The following CDC14A variants were observed in gnomAD, a reference collection of about 807,000 sequenced individuals.
The protein encoded by CDC14A is dual specificity protein phosphatase CDC14A.
CDC14A carries 53 observed loss-of-function variants against 74.4 expected under a neutral mutation model. The ratio of observed to expected loss-of-function variants is 0.71; its 90% CI spans 0.57 to 0.89. The LOEUF (loss-of-function observed/expected upper bound fraction) is 0.89, where lower values mean the gene tolerates loss of function less well. CDC14A is among the 40% of genes least tolerant of loss of function. The pLI, the probability that CDC14A is intolerant of heterozygous loss-of-function variation, is 0.00. For missense variants in CDC14A, 646 were observed against 713.7 expected (o/e 0.91, Z 1.08); for synonymous variants, 247 against 258.4 (o/e 0.96, Z 0.43).
intron 12 of CDC14A, among the ~76,000 whole-genome samples, 161 bp from the exon 13 acceptor site, chr1:100,495,841 A>T (rs1307811273): frequency 6.6e-6 from 1 of 152,186 alleles, no homozygotes; most frequent in Admixed American, 6.5e-5. Context: ...AGAAAAGGGG[A>T]TAGCAAGCCT....
At chr1:100,499,484 TTTC>T (rs1648451903) in intron 15 of CDC14A, 1 of 1,414,302 alleles carries the variant, frequency 7.1e-7, no homozygotes, top group African/African-American at 1.4e-5. Flanking sequence ...CTTCCTTCTT[TTTC>T]TTCTTACCCC....
intron 4 of CDC14A, among the ~76,000 whole-genome samples, chr1:100,413,237 A>G (rs1476765157): frequency 6.6e-6 from 1 of 152,170 alleles, no homozygotes; most frequent in Non-Finnish European, 1.5e-5. Context: ...TCTAAGCAAC[A>G]ACTCTTGTAA....
chr1:100,356,007 C>T (rs184205943), intron 2 of CDC14A, among the ~76,000 whole-genome samples: 76 of 152,214 alleles, frequency 5.0e-4, no homozygotes, highest in African/African-American at 1.7e-3. Context: ...CAGGCAGAGA[C>T]ATGAGAGGAG....
intron 15 of CDC14A, among the ~76,000 whole-genome samples, chr1:100,501,425 G>A (rs1490166820): frequency 6.6e-6 from 1 of 152,172 alleles, no homozygotes; most frequent in Non-Finnish European, 1.5e-5. Context: ...CTATAATGGA[G>A]CTGAAAAATT....
intron 12 of CDC14A, among the ~76,000 whole-genome samples, 167 bp downstream of exon 12, chr1:100,495,097 A>T (rs1347785098): frequency 2.6e-5 from 4 of 152,168 alleles, no homozygotes; most frequent in Non-Finnish European, 5.9e-5. Flanking sequence ...GGGAGTAGCT[A>T]AAGTTTAGAA....
At chr1:100,465,392 A>C (rs1173017777) in intron 9 of CDC14A, among the ~76,000 whole-genome samples, 3 of 152,218 alleles carry the variant, frequency 2.0e-5, no homozygotes, top group Non-Finnish European at 4.4e-5. Flanking sequence ...ACTTGCACAC[A>C]CACGTAGGAT....
chr1:100,473,745 G>A (rs541971058), intron 10 of CDC14A, among the ~76,000 whole-genome samples: 21 of 152,092 alleles, frequency 1.4e-4, no homozygotes, highest in African/African-American at 4.6e-4. Context: ...ATATGGGAGT[G>A]TGTGTGTGTG....
At position 100,499,153 on chromosome 1, in the gene CDC14A, G is replaced by GC; in HGVS notation, c.1652dup (p.Gly552ArgfsTer39). 1 of 1,614,050 alleles carries GC rather than the reference G, an allele frequency of 6.2e-7. No individual in the cohort carries two copies. The highest frequency in any genetic ancestry group is 8.5e-7 in the Non-Finnish European group (1 of 1,180,000). On this transcript the variant is annotated frameshift_variant, in exon 15 of 16. Coordinates refer to ENST00000336454, the MANE Select transcript of CDC14A (RefSeq NM_003672.4). LOFTEE classifies it high-confidence loss of function. ...AACAGCAACGGGGGCAACCTGAACAGCCCCCCAGGCCCCCACAGCGCCAAG... is the reference window on the plus strand; with the variant it reads ...AACAGCAACGGGGGCAACCTGAACAGCCCCCCCAGGCCCCCACAGCGCCAAG...
chr1:100,353,890 C>A (rs1651502044), intron 2 of CDC14A, 38 bp downstream of exon 2: 2 of 1,208,016 alleles, frequency 1.7e-6, no homozygotes, highest in African/African-American at 1.5e-5. Context: ...CTTGGCCATT[C>A]AGCTTGTTCT....
intron 15 of CDC14A, among the ~76,000 whole-genome samples, chr1:100,516,830 T>C (rs906299270): frequency 1.2e-4 from 19 of 152,332 alleles, no homozygotes; most frequent in African/African-American, 4.6e-4. Flanking sequence ...TATAGTGCTC[T>C]GATTCTTGAT....
intron 4 of CDC14A, among the ~76,000 whole-genome samples, chr1:100,413,620 C>T (rs1304480929): frequency 6.6e-6 from 1 of 152,158 alleles, no homozygotes; most frequent in Admixed American, 6.5e-5. Context: ...TGGGAAGCAA[C>T]CCCCACAAGT....
chr1:100,390,699 G>C, intron 3 of CDC14A, 33 bp from the exon 4 acceptor site: 1 of 1,370,906 alleles, frequency 7.3e-7, no homozygotes, highest in Non-Finnish European at 1.0e-6. Context: ...TGTCTCTATG[G>C]TTACACTAAC....
chr1:100,499,409 G>C, intron 15 of CDC14A, 147 bp downstream of exon 15: 1 of 1,565,786 alleles, frequency 6.4e-7, no homozygotes, highest in Non-Finnish European at 8.6e-7. Context: ...CTGTGAAACT[G>C]TCTATGCACT....
chr1:100,372,167 A>G (rs1007139164), intron 2 of CDC14A, among the ~76,000 whole-genome samples: 5 of 152,262 alleles, frequency 3.3e-5, no homozygotes, highest in Non-Finnish European at 7.3e-5. Context: ...GCTAATGATC[A>G]TCTGAGCCTT....
chr1:100,496,047 C>A lies in CDC14A; in HGVS notation c.1296C>A (p.Phe432Leu), dbSNP rs1306830125. The change falls in exon 13 of 16, where the codon TTC (phenylalanine) becomes TTA (leucine). Residue 432 changes from phenylalanine to leucine, a missense_variant and splice_region_variant. Physicochemically the swap from Phe to Leu is conservative, Grantham distance 22. Coordinates refer to ENST00000336454, the MANE Select transcript of CDC14A (RefSeq NM_003672.4). ...KGHPRAVSQP[F>L]RLSSSLQGSA... ...ATCCAAGAGCAGTGTCCCAGCCTTTCAGGTACTGCCAATGAGGTTGAATGT... is the reference window on the plus strand; with the variant it reads ...ATCCAAGAGCAGTGTCCCAGCCTTTAAGGTACTGCCAATGAGGTTGAATGT... 4 of 1,612,798 alleles carry A rather than the reference C, an allele frequency of 2.5e-6. No homozygotes were observed. The South Asian group carries it at 4.4e-5, about 18-fold the overall frequency.
At chr1:100,350,186 C>G (rs1650807247), upstream of CDC14A, among the ~76,000 whole-genome samples, 1 of 152,080 alleles carries the variant, frequency 6.6e-6, no homozygotes. Context: ...AACTCCTGCC[C>G]TCAGGTGATC....
chr1:100,472,674 C>A (rs1223347296), intron 10 of CDC14A, among the ~76,000 whole-genome samples: 3 of 149,468 alleles, frequency 2.0e-5, no homozygotes, highest in African/African-American at 7.5e-5. Flanking sequence ...ATTTTTTTTT[C>A]TAAAAAGTTT....
In CDC14A at chr1:100,519,948, T is replaced by C. The variant is rs1650551539; in HGVS notation, c.*1668T>C. On this transcript the variant is annotated 3_prime_UTR_variant, in exon 16 of 16. Transcript: ENST00000336454. ...GGGAAAGGGAATCATGTTGACAGTT[T>C]TAGTTCTGTGAACACTAATTTGTGT... 1 of 152,194 alleles carries C rather than the reference T, an allele frequency of 6.6e-6. No individual in the cohort carries two copies. The highest frequency in any genetic ancestry group is 2.1e-4 in the South Asian group (1 of 4,832). 9.4% of individuals were successfully genotyped at this position (152,194 alleles called of 1,614,324 possible). A position where few individuals can be genotyped will look rare whatever the true frequency, so the allele number is the denominator to read the frequency against.
chr1:100,459,260 A>T, intron 8 of CDC14A, among the ~76,000 whole-genome samples: 1 of 152,154 alleles, frequency 6.6e-6, no homozygotes, highest in East Asian at 1.9e-4. Context: ...GCCTGGCTCC[A>T]TTCCTTTTTG....
Sources: allele counts gnomAD v4.1 joint callset (sites outside exome capture counted in the v4.1 genomes callset), GRCh38; gene constraint gnomAD v4.1.1; transcripts MANE v1.5; gene names NCBI Gene and HGNC (gene_info 2026-07-23, HGNC 2026-07-21).